Variants in PDE3A observed in about 807,000 individuals in gnomAD.
PDE3A encodes the protein cGMP-inhibited 3',5'-cyclic phosphodiesterase 3A.
Under a neutral mutation model 98.3 loss-of-function variants are expected in PDE3A, and 43 were observed. That is an observed-to-expected ratio of 0.44 (90% confidence interval 0.34 to 0.56). The LOEUF is 0.56. PDE3A is among the 20% of genes least tolerant of loss of function. The probability of loss-of-function intolerance (pLI) is 0.01; values close to 1 mark genes in which losing one functional copy is unlikely to be tolerated. For missense variants in PDE3A, 1,427 were observed against 1,440.7 expected, an observed-to-expected ratio of 0.99 and a Z score of 0.15; for synonymous variants, 663 against 567.9, an observed-to-expected ratio of 1.17 and a Z score of -2.38.
chr12:20,375,684 A>C (rs1460947476), intron 1 of PDE3A, among the ~76,000 whole-genome samples: 1 of 151,972 alleles, frequency 6.6e-6, no homozygotes, highest in Non-Finnish European at 1.5e-5. Flanking sequence ...CCTTGTGCTA[A>C]AAATCAAAAA....
intron 15 of PDE3A, among the ~76,000 whole-genome samples, chr12:20,667,737 CT>C (rs1216225643): frequency 6.6e-6 from 1 of 152,130 alleles, no homozygotes; most frequent in African/African-American, 2.4e-5. Context: ...TTCAGGATTG[CT>C]TTGGCTACTC....
chr12:20,607,837 G>C (rs1943749315), intron 2 of PDE3A, among the ~76,000 whole-genome samples: 1 of 151,884 alleles, frequency 6.6e-6, no homozygotes, highest in Non-Finnish European at 1.5e-5. Flanking sequence ...TTAGTTTTAA[G>C]ACTTTTCTTT....
chr12:20,394,968 T>C (rs1943981966), intron 1 of PDE3A, among the ~76,000 whole-genome samples: 1 of 152,078 alleles, frequency 6.6e-6, no homozygotes, highest in African/African-American at 2.4e-5. Flanking sequence ...TCTTAGATTA[T>C]TGTGCATTTA....
At chr12:20,416,823 G>A (rs1442823545) in intron 1 of PDE3A, among the ~76,000 whole-genome samples, 1 of 151,974 alleles carries the variant, frequency 6.6e-6, no homozygotes, top group Non-Finnish European at 1.5e-5. Context: ...ATACTACTTG[G>A]TCACTTTTAA....
In PDE3A at chr12:20,684,100, T is replaced by G. The variant is rs558904511; in HGVS notation, c.*3829T>G. ...AAATAAAGTCTAAAGTTTGAAATTATTAATTTATAAAAGTGAACTAATTGT... is the reference window on the plus strand; with the variant it reads ...AAATAAAGTCTAAAGTTTGAAATTAGTAATTTATAAAAGTGAACTAATTGT... On this transcript the variant is annotated 3_prime_UTR_variant, in exon 16 of 16. Transcript: ENST00000359062. 6.6e-6 allele frequency: 1 copy of G among 152,292 alleles called. No individual in the cohort carries two copies. The highest frequency in any genetic ancestry group is 1.5e-5 in the Non-Finnish European group (1 of 68,004). The allele number at this position is 152,292 out of a possible 1,614,324, so 9.4% of individuals were successfully genotyped here.
rs1000493176 is a variant in PDE3A at position 20,424,373 on chromosome 12, C to T, written c.960+54129C>T. 2.0e-5 allele frequency among the ~76,000 whole-genome samples: 3 copies of T among 150,790 alleles called. No homozygotes were observed. The South Asian group carries it at 6.3e-4, about 32-fold the overall frequency. On this transcript the variant is annotated intron_variant, in intron 1 of 15. Coordinates refer to ENST00000359062, the MANE Select transcript of PDE3A (RefSeq NM_000921.5). ...CCCCACTGCCCTCTTTCAATTACTTCCCTTAGATCACAAGTTTCTGTTTTA... is the reference window on the plus strand; with the variant it reads ...CCCCACTGCCCTCTTTCAATTACTTTCCTTAGATCACAAGTTTCTGTTTTA...
intron 2 of PDE3A, 83 bp from the exon 3 acceptor site, chr12:20,613,360 T>G: frequency 1.6e-6 from 2 of 1,244,818 alleles, no homozygotes; most frequent in Non-Finnish European, 2.3e-6. Context: ...AATTCATTTC[T>G]TAGTGAAAAA....
At chr12:20,505,304 A>T (rs1351171926) in intron 1 of PDE3A, among the ~76,000 whole-genome samples, 2 of 152,008 alleles carry the variant, frequency 1.3e-5, no homozygotes, top group African/African-American at 4.8e-5. Flanking sequence ...TCCTACTGTT[A>T]ACTTTGCAAT....
At chr12:20,549,632 T>G (rs981509301) in intron 1 of PDE3A, among the ~76,000 whole-genome samples, 1 of 152,074 alleles carries the variant, frequency 6.6e-6, no homozygotes, top group Non-Finnish European at 1.5e-5. Flanking sequence ...GGATGTAGAT[T>G]TCTGTAACAT....
chr12:20,403,656 AT>A (rs1371388861), intron 1 of PDE3A, among the ~76,000 whole-genome samples: 1 of 152,204 alleles, frequency 6.6e-6, no homozygotes, highest in Non-Finnish European at 1.5e-5. Context: ...CAAAATGACA[AT>A]TCCGTGATGA....
At chr12:20,371,500 T>C in intron 1 of PDE3A, 2 of 967,676 alleles carry the variant, frequency 2.1e-6, no homozygotes, top group Non-Finnish European at 2.5e-6. Flanking sequence ...TTTAGGTTAT[T>C]CTGTGGATAA....
At chr12:20,595,093 G>A (rs1014078224) in intron 2 of PDE3A, among the ~76,000 whole-genome samples, 2 of 152,030 alleles carry the variant, frequency 1.3e-5, no homozygotes, top group African/African-American at 2.4e-5. Flanking sequence ...TATTTCTCAT[G>A]AATAGAAGGC....
intron 1 of PDE3A, among the ~76,000 whole-genome samples, chr12:20,373,160 A>T (rs1000228870): frequency 6.6e-6 from 1 of 152,238 alleles, no homozygotes; most frequent in South Asian, 2.1e-4. Flanking sequence ...AAAGAACTAT[A>T]AAGTTTGTTT....
Position 20,511,874 on chromosome 12 carries a change from C to T in PDE3A, c.961-44786C>T, listed in dbSNP as rs549983762. On this transcript the variant is annotated intron_variant, in intron 1 of 15. Transcript: ENST00000359062. ...CAATAAGTGGTGTTGATAGTATAGA[C>T]CCATAATATGATGTAATTAGAATAC... 8.5e-5 allele frequency among the ~76,000 whole-genome samples: 13 copies of T among 152,144 alleles called. No homozygotes were observed. The East Asian group carries it at 2.3e-3, about 27-fold the overall frequency.
chr12:20,549,447 TG>T (rs1942140846), intron 1 of PDE3A, among the ~76,000 whole-genome samples: 1 of 151,976 alleles, frequency 6.6e-6, no homozygotes, highest in South Asian at 2.1e-4. Flanking sequence ...TGCTAAATTT[TG>T]GCTCAGATTA....
intron 1 of PDE3A, chr12:20,551,442 T>C (rs1592048071): frequency 3.3e-6 from 2 of 602,392 alleles, no homozygotes; most frequent in East Asian, 2.8e-5. Flanking sequence ...GATTGACAGA[T>C]TGATAGCTCT....
At chr12:20,506,388 T>G (rs963783193) in intron 1 of PDE3A, among the ~76,000 whole-genome samples, 2 of 152,040 alleles carry the variant, frequency 1.3e-5, no homozygotes, top group African/African-American at 2.4e-5. Flanking sequence ...TTTTGAAATT[T>G]TTTTCTGCAT....
chr12:20,569,765 T>C (rs1344182636), intron 2 of PDE3A, among the ~76,000 whole-genome samples: 1 of 152,138 alleles, frequency 6.6e-6, no homozygotes, highest in Non-Finnish European at 1.5e-5. Context: ...GCAAAGTACC[T>C]GCGTATTTGT....
intron 7 of PDE3A, 35 bp from the exon 8 acceptor site, chr12:20,634,867 A>C: frequency 6.5e-7 from 1 of 1,545,848 alleles, no homozygotes; most frequent in Non-Finnish European, 8.9e-7. Flanking sequence ...TCCCCATTGT[A>C]GATCTTGTAA....
Sources: allele counts gnomAD v4.1 joint callset (sites outside exome capture counted in the v4.1 genomes callset), GRCh38; gene constraint gnomAD v4.1.1; transcripts MANE v1.5; gene names NCBI Gene and HGNC (gene_info 2026-07-23, HGNC 2026-07-21).